Variants in NLGN4X observed in about 807,000 individuals in gnomAD.
The protein encoded by NLGN4X is neuroligin-4, X-linked.
Under a neutral mutation model 40.3 loss-of-function variants are expected in NLGN4X, and 3 were observed. That is an observed-to-expected ratio of 0.07 (90% CI 0.03 to 0.19). NLGN4X has a LOEUF of 0.19. Among genes scored for constraint, NLGN4X ranks in the 10% least tolerant of loss-of-function variants. The pLI, the probability that NLGN4X is intolerant of heterozygous loss-of-function variation, is 1.00. For synonymous variants in NLGN4X, 270 were observed against 306.8 expected, an observed-to-expected ratio of 0.88 and a Z score of 1.25; for missense variants, 382 against 708.3, an observed-to-expected ratio of 0.54 and a Z score of 5.23.
intron 1 of NLGN4X, among the ~76,000 whole-genome samples, chrX:6,158,215 T>C (rs2040312932): frequency 8.9e-6 from 1 of 111,815 alleles, no homozygotes; most frequent in Non-Finnish European, 1.9e-5. Context: ...GATAACATGG[T>C]ATGTGCCACC....
chrX:5,907,032 G>T (rs1358907353), intron 4 of NLGN4X, among the ~76,000 whole-genome samples: 1 of 108,925 alleles, frequency 9.2e-6, no homozygotes, highest in East Asian at 2.9e-4. Context: ...GGTAAGCCAA[G>T]ATTGTGCCAC....
intron 1 of NLGN4X, among the ~76,000 whole-genome samples, chrX:6,207,071 C>T (rs1924104462): frequency 9.0e-6 from 1 of 111,286 alleles, no homozygotes; most frequent in Non-Finnish European, 1.9e-5. Context: ...CACACACACA[C>T]AGACATATTT....
chrX:6,212,461 G>A (rs1270871288), intron 1 of NLGN4X, among the ~76,000 whole-genome samples: 1 of 111,084 alleles, frequency 9.0e-6, no homozygotes, highest in East Asian at 2.8e-4. Flanking sequence ...GTGACAAGAC[G>A]CACACAGCCA....
intron 3 of NLGN4X, among the ~76,000 whole-genome samples, chrX:5,983,420 T>C (rs1341922960): frequency 8.9e-6 from 1 of 111,952 alleles, no homozygotes; most frequent in Non-Finnish European, 1.9e-5. Context: ...TGAAGAATGT[T>C]CAAAAAGCTT....
chrX:5,914,622 A>G (rs1000298627), intron 3 of NLGN4X, among the ~76,000 whole-genome samples: 9 of 102,007 alleles, frequency 8.8e-5, no homozygotes, highest in Non-Finnish European at 1.2e-4. Context: ...ATGTATGTAT[A>G]TATATATATA....
In NLGN4X at chrX:6,160,629, A is replaced by C. The variant is rs188418299; in HGVS notation, c.-305-8858T>G. Among the ~76,000 whole-genome samples the C allele has an allele frequency of 9.1e-3, 978 of 107,360 alleles. 8 individuals carry two copies. The highest frequency in any genetic ancestry group is 0.032 in the African/African-American group (936 of 29,525). 93.2% of individuals were successfully genotyped at this position (107,360 alleles called of 115,157 possible). A position where few individuals can be genotyped will look rare whatever the true frequency, so the allele number is the denominator to read the frequency against. On this transcript the variant is annotated intron_variant, in intron 1 of 5. Coordinates refer to ENST00000381095, the MANE Select transcript of NLGN4X (RefSeq NM_181332.3). The stretch of plus-strand genomic sequence containing the variant: ...CACTACAACTTCTGCCTCCCGGATT[A>C]TCTTGCCTCAGCCTCCTGAGTAGCC...
chrX:6,196,550 T>TAAAAAAA, intron 1 of NLGN4X, among the ~76,000 whole-genome samples: 1 of 7,686 alleles, frequency 1.3e-4, no homozygotes, highest in African/African-American at 5.6e-4. Context: ...AGACTCTGTC[T>TAAAAAAA]CAAAAAAAAA....
At chrX:6,038,571 A>G (rs1257619498) in intron 2 of NLGN4X, among the ~76,000 whole-genome samples, 1 of 113,008 alleles carries the variant, frequency 8.8e-6, no homozygotes, top group Admixed American at 9.3e-5. Flanking sequence ...TTAGCAACAG[A>G]AAAGTTCAGT....
intron 3 of NLGN4X, among the ~76,000 whole-genome samples, chrX:6,010,615 G>A (rs935097578): frequency 1.9e-5 from 2 of 106,887 alleles, no homozygotes; most frequent in Non-Finnish European, 3.8e-5. Context: ...TACAACCTCC[G>A]CCTCCCAGGC....
chrX:6,074,053 T>A (rs951014022), intron 2 of NLGN4X, among the ~76,000 whole-genome samples: 1 of 110,642 alleles, frequency 9.0e-6, no homozygotes, highest in Non-Finnish European at 1.9e-5. Context: ...TCAGGTTCCA[T>A]TAAACATGCA....
Position 6,031,081 on chromosome X carries a change from T to C in NLGN4X, c.473-1649A>G, listed in dbSNP as rs57704815. 8.0e-4 allele frequency among the ~76,000 whole-genome samples: 90 copies of C among 112,125 alleles called. 3 individuals are homozygous for C. The East Asian group carries it at 0.017, about 21-fold the overall frequency. On this transcript the variant is annotated intron_variant, in intron 2 of 5. Coordinates refer to ENST00000381095, the MANE Select transcript of NLGN4X (RefSeq NM_181332.3). ...AAGTAATAACCAGCTGTTATATTAA[T>C]GCAAAGTCAAAAAATCATAACTTAA...
intron 1 of NLGN4X, among the ~76,000 whole-genome samples, chrX:6,208,879 G>A (rs757562083): frequency 3.1e-4 from 35 of 111,523 alleles, no homozygotes; most frequent in Non-Finnish European, 5.7e-4. Flanking sequence ...CCCACTACTG[G>A]GTATCTACGC....
At chrX:6,000,542 T>C (rs2035946630) in intron 3 of NLGN4X, among the ~76,000 whole-genome samples, 1 of 110,866 alleles carries the variant, frequency 9.0e-6, no homozygotes, top group Non-Finnish European at 1.9e-5. Context: ...TGCAGCTAGG[T>C]TGTGCCATCG....
Position 6,029,415 on chromosome X carries a change from T to C in NLGN4X, c.490A>G (p.Ser164Gly). Residue 164 changes from serine to glycine, a missense_variant, in exon 3 of 6, where the codon AGT becomes GGT. Physicochemically the swap from Ser to Gly is moderately conservative, Grantham distance 56. Around this residue, in one of 5 missense-constraint regions of NLGN4X, gnomAD observed 115 missense variants for 149.6 expected, o/e 0.77. Transcript: ENST00000381095. Reference sequence around the variant, plus strand: ...ATATAGACCATGACGGGCTTCTTACTGTTCTGATCATGAATATCTGGAAAA... The same window carrying C: ...ATATAGACCATGACGGGCTTCTTACCGTTCTGATCATGAATATCTGGAAAA... ...PTEDDIHDQN[S>G]KKPVMVYIHG... The C allele has an allele frequency of 8.3e-7, 1 of 1,211,057 alleles. No homozygotes were observed. Among genetic ancestry groups the C allele is most frequent in the Non-Finnish European group, 1.1e-6 (1 of 895,027 alleles).
At chrX:6,175,130 A>G (rs1446488299) in intron 1 of NLGN4X, among the ~76,000 whole-genome samples, 1 of 111,630 alleles carries the variant, frequency 9.0e-6, no homozygotes, top group Non-Finnish European at 1.9e-5. Context: ...ACAACATTCA[A>G]TCCAACCTGG....
chrX:5,907,903 AAGAG>A (rs1934787812), intron 4 of NLGN4X, among the ~76,000 whole-genome samples: 1 of 103,873 alleles, frequency 9.6e-6, no homozygotes, highest in African/African-American at 3.6e-5. Flanking sequence ...GAAAGAAACA[AAGAG>A]AGAGAGGGAC....
chrX:6,042,730 T>TATATATACATACACAC (rs1215396694), intron 2 of NLGN4X, among the ~76,000 whole-genome samples: 2 of 20,149 alleles, frequency 9.9e-5, no homozygotes, highest in African/African-American at 3.2e-4. Flanking sequence ...TATATATATA[T>TATATATACATACACAC]ACACACACAC....
At chrX:6,092,335 C>A (rs755445286) in intron 2 of NLGN4X, among the ~76,000 whole-genome samples, 1 of 112,139 alleles carries the variant, frequency 8.9e-6, no homozygotes, top group Non-Finnish European at 1.9e-5. Context: ...TGACCTCAGA[C>A]AAAGGGAGCA....
chrX:5,944,805 A>G (rs1433745226), intron 3 of NLGN4X, among the ~76,000 whole-genome samples: 2 of 111,928 alleles, frequency 1.8e-5, no homozygotes, highest in Non-Finnish European at 3.8e-5. Context: ...AATAGCAAAT[A>G]GCATGGAAAG....
Sources: allele counts gnomAD v4.1 joint callset (sites outside exome capture counted in the v4.1 genomes callset), GRCh38; gene constraint gnomAD v4.1.1; regional missense constraint gnomAD v4.1.1; transcripts MANE v1.5; gene names NCBI Gene and HGNC (gene_info 2026-07-23, HGNC 2026-07-21).